Variants in HIPK2 observed in about 807,000 individuals in gnomAD.
HIPK2 encodes homeodomain-interacting protein kinase 2.
Under a neutral mutation model 113.7 loss-of-function variants are expected in HIPK2, and 27 were observed. The observed-to-expected ratio is 0.24, with a 90% CI of 0.17 to 0.33. The LOEUF (loss-of-function observed/expected upper bound fraction) is 0.33. Among genes scored for constraint, HIPK2 ranks in the 10% least tolerant of loss-of-function variants. The probability of loss-of-function intolerance (pLI) is 1.00; values close to 1 mark genes in which losing one functional copy is unlikely to be tolerated. For synonymous variants in HIPK2, 631 were observed against 642.2 expected (o/e 0.98, Z 0.26); for missense variants, 1,257 against 1,588.0 (o/e 0.79, Z 3.54).
intron 1 of HIPK2, among the ~76,000 whole-genome samples, chr7:139,744,645 A>G (rs1796160775): frequency 6.6e-6 from 1 of 152,244 alleles, no homozygotes; most frequent in African/African-American, 2.4e-5. Context: ...CACCCACCGG[A>G]CCTGAAATAC....
intron 1 of HIPK2, among the ~76,000 whole-genome samples, chr7:139,758,924 T>C (rs1345965123): frequency 2.0e-5 from 3 of 152,026 alleles, no homozygotes; most frequent in Admixed American, 6.5e-5. Context: ...TCTCCAACTT[T>C]GACTAAAAAT....
At chr7:139,622,777 C>G (rs748552748) in intron 6 of HIPK2, among the ~76,000 whole-genome samples, 2 of 152,188 alleles carry the variant, frequency 1.3e-5, no homozygotes, top group Non-Finnish European at 2.9e-5. Context: ...TCAGGCAAGC[C>G]TAGGTGTGTT....
rs1180374544 is a variant in HIPK2, at chr7:139,634,788, G to A, written c.1104-3063C>T. On this transcript the variant is annotated intron_variant, in intron 2 of 14. Transcript: ENST00000406875. ...CACCTCCTGGGTTCAAGCGATTCTC[G>A]TGCCTCAGCCTTCCAGGTAGCTGGG... Among the ~76,000 whole-genome samples the A allele has an allele frequency of 4.7e-5, 7 of 147,808 alleles. No homozygotes were observed. The South Asian group carries it at 1.3e-3, about 27-fold the overall frequency.
intron 1 of HIPK2, among the ~76,000 whole-genome samples, chr7:139,769,303 A>ATGG (rs2117170094): frequency 6.6e-6 from 1 of 151,934 alleles, no homozygotes; most frequent in African/African-American, 2.4e-5. Context: ...CTCCATCTCC[A>ATGG]CGGCCGCAGT....
At chr7:139,619,599 C>T (rs1002159910) in intron 7 of HIPK2, among the ~76,000 whole-genome samples, 4 of 152,192 alleles carry the variant, frequency 2.6e-5, no homozygotes, top group African/African-American at 4.8e-5. Context: ...AACTGATTTT[C>T]TCCATGACTC....
At chr7:139,700,183 C>T (rs1199666542) in intron 2 of HIPK2, among the ~76,000 whole-genome samples, 1 of 152,130 alleles carries the variant, frequency 6.6e-6, no homozygotes, top group African/African-American at 2.4e-5. Flanking sequence ...TCAAGGGTGC[C>T]TGAGGCCAGG....
chr7:139,775,819 CAGG>C (rs1382053031), intron 1 of HIPK2, among the ~76,000 whole-genome samples: 1 of 152,126 alleles, frequency 6.6e-6, no homozygotes, highest in Non-Finnish European at 1.5e-5. Flanking sequence ...ATGAAAGGAG[CAGG>C]AGGAGAACAG....
intron 2 of HIPK2, among the ~76,000 whole-genome samples, chr7:139,673,718 C>A (rs1449802005): frequency 6.6e-6 from 1 of 151,864 alleles, no homozygotes; most frequent in Non-Finnish European, 1.5e-5. Flanking sequence ...AAAATTGGCA[C>A]AGAGCAAAGC....
chr7:139,754,177 GC>G (rs1279843721), intron 1 of HIPK2, among the ~76,000 whole-genome samples: 1 of 152,190 alleles, frequency 6.6e-6, no homozygotes, highest in East Asian at 1.9e-4. Context: ...GAATGGGAGG[GC>G]TAGAAAGAGG....
At chr7:139,589,445 A>G (rs990979173) in intron 12 of HIPK2, among the ~76,000 whole-genome samples, 5 of 152,064 alleles carry the variant, frequency 3.3e-5, no homozygotes, top group African/African-American at 1.2e-4. Flanking sequence ...ACACACACTA[A>G]TTTTGGCAAA....
chr7:139,619,455 C>T (rs1048341495), intron 7 of HIPK2, among the ~76,000 whole-genome samples: 1 of 152,154 alleles, frequency 6.6e-6, no homozygotes, highest in African/African-American at 2.4e-5. Flanking sequence ...TAAATATTGC[C>T]TGGGTGTCAT....
intron 5 of HIPK2, among the ~76,000 whole-genome samples, chr7:139,627,134 T>C (rs2116874441): frequency 6.6e-6 from 1 of 152,248 alleles, no homozygotes; most frequent in South Asian, 2.1e-4. Context: ...AACCACAAGA[T>C]GAAAAGAGTT....
At chr7:139,636,983 C>T (rs1800836698) in intron 2 of HIPK2, among the ~76,000 whole-genome samples, 1 of 152,198 alleles carries the variant, frequency 6.6e-6, no homozygotes. Context: ...CCACTGTCCT[C>T]CTCATTTTAT....
rs770753010 is a variant in HIPK2 at position 139,575,146 on chromosome 7, C to T, written c.3108G>A (p.Gln1036=). Residue 1036 remains glutamine (Q), a synonymous_variant, in exon 14 of 15, where the codon CAG becomes CAA. Coordinates refer to ENST00000406875, the MANE Select transcript of HIPK2 (RefSeq NM_022740.5). ...QRPGPHFQQQ[Q]PLNLSQAQQH... The stretch of plus-strand genomic sequence containing the variant: ...GGCTTACCTGGCTGAGATTGAGTGG[C>T]TGCTGCTGCTGGAAGTGGGGGCCCG... 6.3e-7 allele frequency: 1 copy of T among 1,592,868 alleles called. No individual in the cohort carries two copies. The highest frequency in any genetic ancestry group is 1.1e-5 in the South Asian group (1 of 87,468).
At chr7:139,691,208 T>G (rs1264939404) in intron 2 of HIPK2, among the ~76,000 whole-genome samples, 4 of 152,236 alleles carry the variant, frequency 2.6e-5, no homozygotes, top group African/African-American at 9.6e-5. Context: ...TGTGGCTAGC[T>G]GCAGAGCTGG....
At chr7:139,614,616 T>G in intron 7 of HIPK2, 123 bp from the exon 8 acceptor site, 1 of 690,412 alleles carries the variant, frequency 1.4e-6, no homozygotes, top group South Asian at 6.5e-5. Context: ...AAACAAAAAC[T>G]AAGAGCAGAA....
At chr7:139,588,554 A>G (rs1478766917) in intron 12 of HIPK2, among the ~76,000 whole-genome samples, 1 of 152,058 alleles carries the variant, frequency 6.6e-6, no homozygotes, top group Non-Finnish European at 1.5e-5. Flanking sequence ...AATAACAACA[A>G]AAAAGAATAT....
intron 8 of HIPK2, 92 bp downstream of exon 8, chr7:139,614,194 T>C (rs981322057): frequency 2.6e-6 from 3 of 1,168,584 alleles, no homozygotes; most frequent in East Asian, 6.1e-5. Flanking sequence ...CCTTTCTCCA[T>C]GAAAATGAGC....
intron 2 of HIPK2, among the ~76,000 whole-genome samples, chr7:139,684,869 T>C (rs928895120): frequency 1.3e-5 from 2 of 152,174 alleles, no homozygotes; most frequent in Non-Finnish European, 2.9e-5. Flanking sequence ...TTACTGCTGA[T>C]ATGGAGAAGG....
Sources: gnomAD v4.1 joint callset for allele counts (sites outside exome capture counted in the v4.1 genomes callset) on GRCh38, gnomAD v4.1.1 for gene constraint, MANE v1.5 for transcripts, NCBI Gene and HGNC (gene_info 2026-07-23, HGNC 2026-07-21) for gene names.